TRAPPC9: variants seen among roughly 807,000 people sequenced by gnomAD.
TRAPPC9 encodes trafficking protein particle complex subunit 9, also known as IKK2 binding protein.
In TRAPPC9, 83 loss-of-function variants were observed where a neutral mutation model predicts 124.0. The observed-to-expected ratio is 0.67, with a 90% CI of 0.56 to 0.80. The LOEUF is 0.80. TRAPPC9 is among the 30% of genes least tolerant of loss of function. The pLI, the probability that TRAPPC9 is intolerant of heterozygous loss-of-function variation, is 0.00. For synonymous variants in TRAPPC9, 638 were observed against 617.5 expected (o/e 1.03, Z -0.49); for missense variants, 1,302 against 1,508.3 (o/e 0.86, Z 2.27).
intron 16 of TRAPPC9, among the ~76,000 whole-genome samples, chr8:140,251,761 A>C (rs2064136961): frequency 1.3e-5 from 2 of 152,160 alleles, no homozygotes; most frequent in South Asian, 4.1e-4. Flanking sequence ...AGGGGTGGAC[A>C]CCAGAGCTCC....
rs556719349 is a variant in TRAPPC9 at position 140,251,184 on chromosome 8, G to A, written c.2431+1593C>T. On this transcript the variant is annotated intron_variant, in intron 16 of 22. Transcript: ENST00000438773. ...TCACCATTCCCTCACTGCTAGCCTGGAGTCCACGTGCCAAGACATAGCCCT... is the reference window on the plus strand; with the variant it reads ...TCACCATTCCCTCACTGCTAGCCTGAAGTCCACGTGCCAAGACATAGCCCT... 2.0e-5 allele frequency among the ~76,000 whole-genome samples: 3 copies of A among 152,280 alleles called. No individual in the cohort carries two copies. In the South Asian group the frequency reaches 6.2e-4, roughly 32 times the overall value.
intron 17 of TRAPPC9, among the ~76,000 whole-genome samples, chr8:140,196,024 C>T (rs12674945): frequency 7.4e-6 from 1 of 135,816 alleles, no homozygotes; most frequent in Non-Finnish European, 1.6e-5. Context: ...CACTGTACAG[C>T]TCACACCTGT....
intron 5 of TRAPPC9, among the ~76,000 whole-genome samples, chr8:140,424,875 AAC>A (rs2070367658): frequency 6.6e-6 from 1 of 152,138 alleles, no homozygotes; most frequent in Non-Finnish European, 1.5e-5. Flanking sequence ...AAAATTTGGA[AAC>A]AGTTTGCTTC....
At chr8:139,892,625 C>T (rs921968788) in intron 20 of TRAPPC9, among the ~76,000 whole-genome samples, 2 of 152,230 alleles carry the variant, frequency 1.3e-5, no homozygotes, top group African/African-American at 4.8e-5. Flanking sequence ...TTCTTGGAAA[C>T]TGTACAGTGT....
In TRAPPC9 at chr8:139,825,922, G is replaced by T. The variant is rs141582418; in HGVS notation, c.3055+59957C>A. ...ATGCCAGGCTCTGGTGGGGAGAGGT[G>T]AGCATCGGATATAACCCGCCCGTGG... On this transcript the variant is annotated intron_variant, in intron 21 of 22. Coordinates refer to ENST00000438773, the MANE Select transcript of TRAPPC9 (RefSeq NM_001160372.4). The surrounding 1 kb of genome is among the most constrained non-coding windows in gnomAD (Gnocchi z 4.6). Among the ~76,000 whole-genome samples the T allele has an allele frequency of 2.0e-5, 3 of 152,200 alleles. No individual in the cohort carries two copies. The highest frequency in any genetic ancestry group is 7.2e-5 in the African/African-American group (3 of 41,462).
At chr8:139,935,175 G>A (rs7824484) in intron 19 of TRAPPC9, among the ~76,000 whole-genome samples, 42,839 of 152,094 alleles carry the variant, frequency 0.28, 6,190 homozygotes, top group South Asian at 0.36. Context: ...TGATGTCTGC[G>A]TGCAGGACCT....
intron 8 of TRAPPC9, among the ~76,000 whole-genome samples, chr8:140,368,192 G>T (rs921490022): frequency 6.6e-6 from 1 of 152,134 alleles, no homozygotes. Flanking sequence ...CCTTGCTTTT[G>T]TCTTAGCCGT....
intron 9 of TRAPPC9, among the ~76,000 whole-genome samples, chr8:140,313,647 C>T (rs1203037967): frequency 6.6e-6 from 1 of 152,128 alleles, no homozygotes; most frequent in East Asian, 1.9e-4. Flanking sequence ...CACTTACTCC[C>T]CATGAGCGTA....
At chr8:139,877,912 T>C (rs1439542043) in intron 21 of TRAPPC9, among the ~76,000 whole-genome samples, 1 of 152,202 alleles carries the variant, frequency 6.6e-6, no homozygotes, top group Non-Finnish European at 1.5e-5. Flanking sequence ...GAGACCCCAG[T>C]TGGCTCAGCG....
chr8:140,160,832 T>C (rs76961369), intron 17 of TRAPPC9, among the ~76,000 whole-genome samples: 2,651 of 143,360 alleles, frequency 0.018, 79 homozygotes, highest in African/African-American at 0.061. Flanking sequence ...TGAAGATTCC[T>C]GAAAAAAAAA....
At chr8:140,004,744 A>C (rs1157356956) in intron 18 of TRAPPC9, among the ~76,000 whole-genome samples, 2 of 152,128 alleles carry the variant, frequency 1.3e-5, no homozygotes, top group South Asian at 2.1e-4. Context: ...ATGTCTAAAA[A>C]CCATGGTGCC....
chr8:140,125,239 G>C (rs1422216596), intron 17 of TRAPPC9, among the ~76,000 whole-genome samples: 1 of 152,196 alleles, frequency 6.6e-6, no homozygotes, highest in African/African-American at 2.4e-5. Flanking sequence ...AACTGGCCCA[G>C]GGGCACTCGG....
chr8:139,815,536 C>T (rs1040570882), intron 21 of TRAPPC9, among the ~76,000 whole-genome samples: 14 of 152,192 alleles, frequency 9.2e-5, no homozygotes, highest in African/African-American at 2.9e-4. Flanking sequence ...TACAGACTTG[C>T]GCCACCACAC....
chr8:139,749,370 A>G (rs1819162685), intron 21 of TRAPPC9, among the ~76,000 whole-genome samples: 1 of 152,226 alleles, frequency 6.6e-6, no homozygotes, highest in Non-Finnish European at 1.5e-5. Flanking sequence ...TCAATGGCTT[A>G]CAGTGTGACC....
At chr8:139,997,198 C>T (rs1382602172) in intron 18 of TRAPPC9, among the ~76,000 whole-genome samples, 2 of 152,158 alleles carry the variant, frequency 1.3e-5, no homozygotes, top group African/African-American at 2.4e-5. Flanking sequence ...GCATCCTGCA[C>T]AGAAGAGATA....
At chr8:140,399,344 T>C (rs2069188988) in intron 6 of TRAPPC9, among the ~76,000 whole-genome samples, 1 of 152,214 alleles carries the variant, frequency 6.6e-6, no homozygotes, top group South Asian at 2.1e-4. Context: ...CACTGACAGC[T>C]TGCACTGTGC....
chr8:139,796,754 G>C (rs751444080), intron 21 of TRAPPC9, among the ~76,000 whole-genome samples: 1 of 152,038 alleles, frequency 6.6e-6, no homozygotes, highest in Non-Finnish European at 1.5e-5. Context: ...TATTCTCCTG[G>C]GTATATATCC....
chr8:139,816,520 G>T (rs1470864836), intron 21 of TRAPPC9, among the ~76,000 whole-genome samples: 1 of 152,144 alleles, frequency 6.6e-6, no homozygotes, highest in Admixed American at 6.5e-5. Context: ...TGGGCCACAG[G>T]GGCCGACCCA....
intron 17 of TRAPPC9, among the ~76,000 whole-genome samples, chr8:140,128,969 T>TAAAAAA (rs139243477): frequency 7.1e-6 from 1 of 141,260 alleles, no homozygotes; most frequent in African/African-American, 2.6e-5. Context: ...TAAACTATAA[T>TAAAAAA]AAAATATATA....
Sources: gnomAD v4.1 joint callset for allele counts (sites outside exome capture counted in the v4.1 genomes callset) on GRCh38, gnomAD v4.1.1 for gene constraint, Gnocchi (gnomAD v3.1) non-coding constraint, MANE v1.5 for transcripts, NCBI Gene and HGNC (gene_info 2026-07-23, HGNC 2026-07-21) for gene names.